Variants in DTWD2 observed in about 807,000 individuals in gnomAD.
DTWD2 encodes tRNA-uridine aminocarboxypropyltransferase 2.
Under a neutral mutation model 31.8 loss-of-function variants are expected in DTWD2, and 39 were observed. That is an observed-to-expected ratio of 1.22 (90% CI 0.95 to 1.60). The LOEUF is 1.60. DTWD2 is among the 40% of genes most tolerant of loss of function. The probability of loss-of-function intolerance (pLI) is 0.00; values close to 1 mark genes in which losing one functional copy is unlikely to be tolerated. For synonymous variants in DTWD2, 180 were observed against 142.8 expected (o/e 1.26, Z -1.86); for missense variants, 515 against 381.5 (o/e 1.35, Z -2.92).
intron 4 of DTWD2, among the ~76,000 whole-genome samples, chr5:118,898,258 T>G (rs900047473): frequency 6.6e-6 from 1 of 152,148 alleles, no homozygotes; most frequent in Non-Finnish European, 1.5e-5. Context: ...GAAACTATAT[T>G]ACACCACTTG....
chr5:118,975,706 G>A (rs1755138674), intron 1 of DTWD2, among the ~76,000 whole-genome samples: 2 of 152,076 alleles, frequency 1.3e-5, no homozygotes, highest in African/African-American at 4.8e-5. Flanking sequence ...TTTGGATGGG[G>A]TTTCTGTAAG....
intron 4 of DTWD2, among the ~76,000 whole-genome samples, chr5:118,881,692 G>A (rs1002265106): frequency 2.0e-5 from 3 of 152,044 alleles, no homozygotes; most frequent in African/African-American, 4.8e-5. Flanking sequence ...GGAAGCAGGC[G>A]CCTCTTACAC....
intron 4 of DTWD2, among the ~76,000 whole-genome samples, chr5:118,864,192 A>G (rs1752330775): frequency 6.8e-6 from 1 of 147,716 alleles, no homozygotes; most frequent in African/African-American, 2.6e-5. Flanking sequence ...ATGGAATACT[A>G]TGCAGCCATA....
intron 1 of DTWD2, among the ~76,000 whole-genome samples, chr5:118,958,156 TCAGA>T (rs1754628838): frequency 6.6e-6 from 1 of 152,082 alleles, no homozygotes; most frequent in South Asian, 2.1e-4. Context: ...AAAGAATAAA[TCAGA>T]CAGACCACTG....
intron 1 of DTWD2, among the ~76,000 whole-genome samples, chr5:118,964,157 G>A (rs1308404106): frequency 6.7e-6 from 1 of 149,882 alleles, no homozygotes; most frequent in East Asian, 2.0e-4. Context: ...TGCGGTGGTT[G>A]CAGTGAGCCG....
chr5:118,988,404 T>C lies in DTWD2; in HGVS notation c.108A>G (p.Ala36=), dbSNP rs1031479863. 2 of 1,598,628 alleles carry C rather than the reference T, an allele frequency of 1.3e-6. No homozygotes were observed. The highest frequency in any genetic ancestry group is 2.7e-5 in the African/African-American group (2 of 73,882). The part of the protein sequence containing the change: ...PNDKERREGG[A]VPAAAALGAE... ...CGCCCAGGGCAGCCGCCGCCGGCAC[T>C]GCGCCGCCCTCCCGCCGCTCCTTGT... The change falls in exon 1 of 6, where the codon GCA becomes GCG. Residue 36 remains alanine, a synonymous_variant. Coordinates refer to ENST00000510708, the MANE Select transcript of DTWD2 (RefSeq NM_173666.4).
chr5:118,840,815 C>A lies in DTWD2; in HGVS notation c.*102G>T, dbSNP rs201728553. On this transcript the variant is annotated 3_prime_UTR_variant, in exon 6 of 6. Transcript: ENST00000510708. ...TGGGTAAGATTAGTATGCAATTCTC[C>A]TTCTTTAGCAAGTCAAAAACCTACA... 4 of 1,048,338 alleles carry A rather than the reference C, an allele frequency of 3.8e-6. No individual in the cohort carries two copies. Among genetic ancestry groups the A allele is most frequent in the African/African-American group, 4.3e-5 (1 of 23,470 alleles). The allele number at this position is 1,048,338 out of a possible 1,614,324, so 64.9% of individuals were successfully genotyped here. A position where few individuals can be genotyped will look rare whatever the true frequency, so the allele number is the denominator to read the frequency against.
At chr5:118,970,360 G>A (rs1424006082) in intron 1 of DTWD2, among the ~76,000 whole-genome samples, 1 of 152,200 alleles carries the variant, frequency 6.6e-6, no homozygotes, top group Non-Finnish European at 1.5e-5. Flanking sequence ...CCGGGAGGTG[G>A]AGATTGCAGT....
At chr5:118,949,118 G>C (rs1412201061) in intron 1 of DTWD2, among the ~76,000 whole-genome samples, 6 of 152,170 alleles carry the variant, frequency 3.9e-5, no homozygotes, top group African/African-American at 7.2e-5. Context: ...GGAGCAGAAG[G>C]GTGTCCTTTT....
At chr5:118,899,641 T>C (rs889409712) in intron 4 of DTWD2, among the ~76,000 whole-genome samples, 8 of 151,994 alleles carry the variant, frequency 5.3e-5, no homozygotes, top group African/African-American at 2.4e-5. Context: ...AGAAGCAAAA[T>C]ATAACCAGAA....
chr5:118,981,503 T>C lies in DTWD2; in HGVS notation c.218+6791A>G, dbSNP rs148272454. 6.1e-3 allele frequency among the ~76,000 whole-genome samples: 919 copies of C among 151,396 alleles called. 9 individuals are homozygous for C. Among genetic ancestry groups the C allele is most frequent in the African/African-American group, 0.021 (884 of 41,274 alleles). ...CATACCTTTTCAACTAGGTTTCCAA[T>C]AGTGAAAAATGAAAAACAAGCAAAC... On this transcript the variant is annotated intron_variant, in intron 1 of 5. Coordinates refer to ENST00000510708, the MANE Select transcript of DTWD2 (RefSeq NM_173666.4).
At chr5:118,857,381 G>C (rs115716749) in intron 4 of DTWD2, among the ~76,000 whole-genome samples, 170 of 152,056 alleles carry the variant, frequency 1.1e-3, no homozygotes, top group Admixed American at 2.4e-3. Context: ...TTTTTACTTT[G>C]GCCATATGTT....
intron 1 of DTWD2, among the ~76,000 whole-genome samples, chr5:118,976,200 G>A (rs1431354473): frequency 6.6e-6 from 1 of 152,186 alleles, no homozygotes; most frequent in Admixed American, 6.5e-5. Flanking sequence ...AGCGTTTAGA[G>A]GGAAATTTAT....
intron 1 of DTWD2, among the ~76,000 whole-genome samples, chr5:118,957,483 G>C (rs766108775): frequency 6.6e-6 from 1 of 152,110 alleles, no homozygotes; most frequent in South Asian, 2.1e-4. Flanking sequence ...GCCTCACAAA[G>C]TGCTGGGATT....
rs758417768 is a variant in DTWD2, at chr5:118,837,846, G to A, written c.*3071C>T. 6.6e-6 allele frequency: 1 copy of A among 152,284 alleles called. No homozygotes were observed. Among genetic ancestry groups the A allele is most frequent in the East Asian group, 1.9e-4 (1 of 5,182 alleles). The allele number at this position is 152,284 out of a possible 1,614,324, so 9.4% of individuals were successfully genotyped here. ...AGGCAGGAGGAACACTTGAGCCCAG[G>A]AGTTTGATGCTGCAGTAAGCTATGA... On this transcript the variant is annotated 3_prime_UTR_variant, in exon 6 of 6. Coordinates refer to ENST00000510708, the MANE Select transcript of DTWD2 (RefSeq NM_173666.4).
At chr5:118,937,079 T>C (rs1754060475) in intron 3 of DTWD2, among the ~76,000 whole-genome samples, 1 of 152,164 alleles carries the variant, frequency 6.6e-6, no homozygotes, top group Non-Finnish European at 1.5e-5. Flanking sequence ...AAATGAATTA[T>C]ATTTGTAAGA....
intron 1 of DTWD2, among the ~76,000 whole-genome samples, chr5:118,967,084 A>C (rs551428900): frequency 6.6e-6 from 1 of 152,032 alleles, no homozygotes. Flanking sequence ...AAATAGTAAC[A>C]GAAGTATGGG....
chr5:118,871,167 T>C (rs1752492913), intron 4 of DTWD2, among the ~76,000 whole-genome samples: 2 of 152,300 alleles, frequency 1.3e-5, no homozygotes, highest in African/African-American at 4.8e-5. Flanking sequence ...AATTATGAGA[T>C]TTCAACAATT....
intron 4 of DTWD2, among the ~76,000 whole-genome samples, chr5:118,854,560 T>C (rs986547350): frequency 4.6e-5 from 7 of 152,096 alleles, no homozygotes; most frequent in African/African-American, 1.7e-4. Flanking sequence ...TTTTAAATTA[T>C]ATAGTCATAT....
Sources: allele counts gnomAD v4.1 joint callset (sites outside exome capture counted in the v4.1 genomes callset), GRCh38; gene constraint gnomAD v4.1.1; transcripts MANE v1.5; gene names NCBI Gene and HGNC (gene_info 2026-07-23, HGNC 2026-07-21).